RELN: variants seen among roughly 807,000 people sequenced by gnomAD.
RELN encodes reelin.
A neutral mutation model predicts 427.6 loss-of-function variants in RELN; 108 were observed. The ratio of observed to expected loss-of-function variants is 0.25; its 90% confidence interval spans 0.22 to 0.30. The LOEUF is 0.30. RELN is among the 10% of genes least tolerant of loss of function. RELN has a pLI of 1.00. For missense variants in RELN, 3,715 were observed against 4,302.8 expected (o/e 0.86, Z 3.82); for synonymous variants, 1,524 against 1,513.4 (o/e 1.01, Z -0.16).
chr7:103,498,424 T>C (rs545128347), intron 53 of RELN, among the ~76,000 whole-genome samples, 172 bp from the exon 54 acceptor site: 1 of 152,358 alleles, frequency 6.6e-6, no homozygotes, highest in Admixed American at 6.5e-5. Flanking sequence ...CTGTCGTATA[T>C]TGAAAATCAT....
At position 103,652,737 on chromosome 7, in the gene RELN, A is replaced by C; in HGVS notation, c.1577T>G (p.Val526Gly). 1.2e-6 allele frequency: 2 copies of C among 1,612,716 alleles called. No homozygotes were observed. The highest frequency in any genetic ancestry group is 1.7e-6 in the Non-Finnish European group (2 of 1,179,146). The change falls in exon 14 of 65, where the codon GTC becomes GGC. Residue 526 changes from valine (V) to glycine (G), a missense_variant. Transcript: ENST00000428762. Reference protein sequence around the residue: ...SYKVPSLVSVVINPELQTPAT... With the variant: ...SYKVPSLVSVGINPELQTPAT... The stretch of plus-strand genomic sequence containing the variant: ...AGGAGTCTGAAGTTCAGGATTGATG[A>C]CCACAGAAACCAAAGACGGAACCTT...
At chr7:103,491,690 G>A (rs376224236) in intron 58 of RELN, among the ~76,000 whole-genome samples, 5 of 152,070 alleles carry the variant, frequency 3.3e-5, no homozygotes, top group Middle Eastern at 3.4e-3. Flanking sequence ...TAAGCTGGGC[G>A]TGGTGACACA....
At chr7:103,734,964 C>A (rs1244575625) in intron 6 of RELN, among the ~76,000 whole-genome samples, 1 of 152,070 alleles carries the variant, frequency 6.6e-6, no homozygotes, top group African/African-American at 2.4e-5. Context: ...ACAGTGAATT[C>A]ACTGGGCTGA....
At chr7:103,863,998 C>T (rs1234400595) in intron 2 of RELN, among the ~76,000 whole-genome samples, 1 of 152,094 alleles carries the variant, frequency 6.6e-6, no homozygotes, top group African/African-American at 2.4e-5. Context: ...TGGGGATGCT[C>T]ACACTACTGG....
At chr7:103,928,486 G>A (rs1049801995) in intron 1 of RELN, among the ~76,000 whole-genome samples, 1 of 152,208 alleles carries the variant, frequency 6.6e-6, no homozygotes, top group African/African-American at 2.4e-5. Context: ...GATTCTGTGT[G>A]AGTGGTCCTG....
intron 20 of RELN, among the ~76,000 whole-genome samples, chr7:103,627,301 CTTGT>C (rs1377565351): frequency 2.6e-5 from 4 of 152,052 alleles, no homozygotes; most frequent in African/African-American, 9.7e-5. Context: ...AAAATGACAG[CTTGT>C]TTTAGGACTA....
In RELN at chr7:103,856,304, G is replaced by A. The variant is rs144421525; in HGVS notation, c.338-22632C>T. On this transcript the variant is annotated intron_variant, in intron 2 of 64. Coordinates refer to ENST00000428762, the MANE Select transcript of RELN (RefSeq NM_005045.4). The stretch of plus-strand genomic sequence containing the variant: ...ATCACAAAGCAAATATGGGCTGGGC[G>A]CGGTGGCTCACACCTGTAATCCCAG... Among the ~76,000 whole-genome samples, 890 of 152,058 alleles carry A rather than the reference G, an allele frequency of 5.9e-3. 13 individuals are homozygous for A. Among genetic ancestry groups the A allele is most frequent in the African/African-American group, 0.021 (851 of 41,496 alleles).
chr7:103,907,284 T>G, intron 2 of RELN, among the ~76,000 whole-genome samples: 1 of 149,476 alleles, frequency 6.7e-6, no homozygotes. Context: ...GGCATGGTGG[T>G]GCACACCTGT....
intron 63 of RELN, among the ~76,000 whole-genome samples, chr7:103,478,684 TTATAAA>T (rs1207822731): frequency 2.0e-5 from 3 of 152,188 alleles, no homozygotes; most frequent in Non-Finnish European, 4.4e-5. Context: ...TGCATATAAA[TTATAAA>T]TATTAATAGC....
At position 103,652,749 on chromosome 7, in the gene RELN, A is replaced by G; in HGVS notation, c.1565T>C (p.Leu522Ser). The G allele has an allele frequency of 6.2e-7, 1 of 1,612,654 alleles. No individual in the cohort carries two copies. The change falls in exon 14 of 65, where the codon TTG becomes TCG. Residue 522 changes from leucine (L) to serine (S), a missense_variant. Transcript: ENST00000428762. ...LSYSSYKVPS[L>S]VSVVINPELQ... The stretch of plus-strand genomic sequence containing the variant: ...TTCAGGATTGATGACCACAGAAACC[A>G]AAGACGGAACCTTTCAAACAAAGGA...
chr7:103,869,550 C>G (rs1030900544), intron 2 of RELN, among the ~76,000 whole-genome samples: 7 of 152,004 alleles, frequency 4.6e-5, no homozygotes, highest in African/African-American at 1.7e-4. Context: ...TCTGGGCTTA[C>G]AGTTTTATTT....
chr7:103,558,179 T>C (rs1394617897), intron 36 of RELN, 130 bp from the exon 37 acceptor site: 3 of 639,618 alleles, frequency 4.7e-6, no homozygotes, highest in Non-Finnish European at 8.6e-6. Flanking sequence ...AAATTTTGCC[T>C]AGTTTAAAAG....
At chr7:103,739,563 T>G (rs1246540383) in intron 6 of RELN, among the ~76,000 whole-genome samples, 1 of 152,268 alleles carries the variant, frequency 6.6e-6, no homozygotes, top group Non-Finnish European at 1.5e-5. Flanking sequence ...CAATTCATGT[T>G]GAGCTCCAGA....
At chr7:103,502,148 T>G (rs1326779848) in intron 52 of RELN, among the ~76,000 whole-genome samples, 1 of 152,234 alleles carries the variant, frequency 6.6e-6, no homozygotes, top group Non-Finnish European at 1.5e-5. Context: ...ATAACAAATT[T>G]CGAGCTGGTT....
At position 103,747,887 on chromosome 7, in the gene RELN, A is replaced by C. The variant is rs78010285; in HGVS notation, c.656+1539T>G. ...CTTTGGTCAAGAAAGCATCTATCAG[A>C]TCAGTCATGAAAATGGGCGAAGAAA... On this transcript the variant is annotated intron_variant, in intron 6 of 64. Transcript: ENST00000428762. 7.5e-4 allele frequency among the ~76,000 whole-genome samples: 113 copies of C among 151,520 alleles called. No individual in the cohort carries two copies. The South Asian group carries it at 0.012, about 16-fold the overall frequency.
chr7:103,483,069 A>G, intron 62 of RELN, 98 bp from the exon 63 acceptor site: 1 of 905,276 alleles, frequency 1.1e-6, no homozygotes, highest in Non-Finnish European at 1.8e-6. Context: ...AGGCTAATCT[A>G]AATCAACAAA....
intron 19 of RELN, among the ~76,000 whole-genome samples, chr7:103,634,980 T>G (rs950776266): frequency 4.6e-5 from 7 of 151,998 alleles, no homozygotes; most frequent in African/African-American, 1.7e-4. Flanking sequence ...TGCCTCAGCC[T>G]CCTGAGTAGC....
chr7:103,902,056 C>T (rs1795094590), intron 2 of RELN, among the ~76,000 whole-genome samples: 1 of 151,748 alleles, frequency 6.6e-6, no homozygotes, highest in Non-Finnish European at 1.5e-5. Flanking sequence ...TGGCTATTAA[C>T]ACAATATTTT....
In RELN at chr7:103,869,316, C is replaced by T. The variant is rs548592390; in HGVS notation, c.338-35644G>A. Among the ~76,000 whole-genome samples the T allele has an allele frequency of 3.3e-5, 5 of 152,116 alleles. No individual in the cohort carries two copies. In the East Asian group the frequency reaches 7.7e-4, roughly 24 times the overall value. On this transcript the variant is annotated intron_variant, in intron 2 of 64. Transcript: ENST00000428762. ...TTAAAAACTCACTATACTTAATATTCACCCATTTTTATACCATTTCCAGTG... is the reference window on the plus strand; with the variant it reads ...TTAAAAACTCACTATACTTAATATTTACCCATTTTTATACCATTTCCAGTG...
Sources: allele counts gnomAD v4.1 joint callset (sites outside exome capture counted in the v4.1 genomes callset), GRCh38; gene constraint gnomAD v4.1.1; transcripts MANE v1.5; gene names NCBI Gene and HGNC (gene_info 2026-07-23, HGNC 2026-07-21).